The following IRAK1BP1 variants were observed in gnomAD, a reference collection of about 807,000 sequenced individuals.
IRAK1BP1 encodes the protein interleukin-1 receptor-associated kinase 1-binding protein 1.
IRAK1BP1 carries 24 observed loss-of-function variants against 28.0 expected under a neutral mutation model. The ratio of observed to expected loss-of-function variants is 0.86; its 90% CI spans 0.62 to 1.20. The LOEUF is 1.20. Among genes scored for constraint, IRAK1BP1 ranks in the 50% most tolerant of loss-of-function variants. The pLI is 0.00. For synonymous variants in IRAK1BP1, 131 were observed against 116.3 expected (o/e 1.13, Z -0.81); for missense variants, 336 against 316.7 (o/e 1.06, Z -0.46).
intron 2 of IRAK1BP1, 86 bp from the exon 3 acceptor site, chr6:78,897,743 G>A (rs1220914761): frequency 4.4e-6 from 5 of 1,145,934 alleles, no homozygotes; most frequent in Non-Finnish European, 6.2e-6. Context: ...CTCATAGTCT[G>A]GCTATACTTT....
Position 78,918,051 on chromosome 6 carries a change from T to C in IRAK1BP1, c.*67+14941T>C, listed in dbSNP as rs146899532. Among the ~76,000 whole-genome samples, 190 of 152,306 alleles carry C rather than the reference T, an allele frequency of 1.2e-3. 1 individual carries two copies. The highest frequency in any genetic ancestry group is 4.5e-3 in the African/African-American group (186 of 41,574). ...ACAAAGCAGCTAGCTAATAACTTCA[T>C]GATAGGATCAAAACCTCACATATCT... On this transcript the variant is annotated intron_variant and NMD_transcript_variant, in intron 4 of 4. Transcript: ENST00000606868.
intron 4 of IRAK1BP1, among the ~76,000 whole-genome samples, chr6:78,914,262 A>G (rs1249709709): frequency 1.3e-5 from 2 of 152,238 alleles, no homozygotes; most frequent in African/African-American, 4.8e-5. Context: ...TGAAAAGGTT[A>G]ACCCAAAGAT....
the IRAK1BP1 span, among the ~76,000 whole-genome samples, chr6:78,967,124 AT>A: frequency 2.0e-5 from 3 of 152,214 alleles, no homozygotes; most frequent in Non-Finnish European, 4.4e-5. Flanking sequence ...ACCAAAAAGG[AT>A]TTAAAAGTTT....
At chr6:78,972,811 G>A in the IRAK1BP1 span, among the ~76,000 whole-genome samples, 11 of 152,132 alleles carry the variant, frequency 7.2e-5, no homozygotes, top group Non-Finnish European at 1.5e-5. Context: ...AATGAAGCGA[G>A]AAGGGAAGTT....
chr6:78,924,341 C>T (rs1292042143), intron 4 of IRAK1BP1, among the ~76,000 whole-genome samples: 1 of 152,174 alleles, frequency 6.6e-6, no homozygotes, highest in Non-Finnish European at 1.5e-5. Context: ...TTCCTCAACA[C>T]ATACACCCTG....
the IRAK1BP1 span, among the ~76,000 whole-genome samples, chr6:78,974,413 A>G: frequency 4.6e-5 from 7 of 151,998 alleles, no homozygotes; most frequent in East Asian, 7.7e-4. Context: ...AAATGCCCAC[A>G]AGAGTAAGCA....
intron 4 of IRAK1BP1, among the ~76,000 whole-genome samples, chr6:78,922,698 A>G (rs879215124): frequency 6.6e-6 from 1 of 152,238 alleles, no homozygotes; most frequent in Non-Finnish European, 1.5e-5. Context: ...CTTCAAAGGG[A>G]AGCCCATCAG....
At chr6:78,909,996 C>T (rs1772361765) in intron 4 of IRAK1BP1, among the ~76,000 whole-genome samples, 1 of 152,128 alleles carries the variant, frequency 6.6e-6, no homozygotes, top group Non-Finnish European at 1.5e-5. Context: ...TGAAAAAGTT[C>T]AGGTGGGTCA....
At chr6:78,942,311 C>T (rs138363897) in intron 4 of IRAK1BP1, among the ~76,000 whole-genome samples, 2,475 of 152,156 alleles carry the variant, frequency 0.016, 64 homozygotes, top group African/African-American at 0.056. Context: ...GGCGAAACCC[C>T]GTCTCTACTA....
At chr6:78,945,285 C>G in intron 4 of IRAK1BP1, 1 of 1,554,974 alleles carries the variant, frequency 6.4e-7, no homozygotes, top group Non-Finnish European at 8.9e-7. Flanking sequence ...TTGAAAGATA[C>G]AAGTAATACC....
the IRAK1BP1 span, among the ~76,000 whole-genome samples, chr6:78,968,239 C>T: frequency 1.5e-3 from 227 of 152,076 alleles, no homozygotes; most frequent in African/African-American, 5.3e-3. Context: ...AAAATGTTTT[C>T]ATCTATTTTA....
the IRAK1BP1 span, chr6:78,970,758 T>C: frequency 7.0e-7 from 1 of 1,431,832 alleles, no homozygotes; most frequent in Non-Finnish European, 9.7e-7. Flanking sequence ...TTGGGGCTAT[T>C]AAATAATAAA....
the IRAK1BP1 span, among the ~76,000 whole-genome samples, chr6:78,971,157 T>C: frequency 6.6e-6 from 1 of 152,262 alleles, no homozygotes; most frequent in Non-Finnish European, 1.5e-5. Flanking sequence ...AAAATCAAAA[T>C]AAGTTAATCT....
intron 4 of IRAK1BP1, among the ~76,000 whole-genome samples, chr6:78,917,579 T>C (rs1772593310): frequency 8.2e-6 from 1 of 121,990 alleles, no homozygotes; most frequent in Non-Finnish European, 1.6e-5. Context: ...TGAGATACTA[T>C]ACAAAATGAA....
chr6:78,870,533 A>G (rs192976073), intron 1 of IRAK1BP1, among the ~76,000 whole-genome samples: 18 of 152,312 alleles, frequency 1.2e-4, no homozygotes, highest in Admixed American at 9.8e-4. Context: ...AAAATGAAAC[A>G]ATAAGTGAAC....
At chr6:78,952,584 C>CT in the IRAK1BP1 span, among the ~76,000 whole-genome samples, 1 of 152,082 alleles carries the variant, frequency 6.6e-6, no homozygotes, top group Non-Finnish European at 1.5e-5. Context: ...CTCTTACCCT[C>CT]TCCTTCACAC....
intron 2 of IRAK1BP1, among the ~76,000 whole-genome samples, chr6:78,893,314 G>GTATATATATATATATATATATA (rs60728695): frequency 2.8e-4 from 29 of 103,424 alleles, no homozygotes; most frequent in Admixed American, 5.5e-4. Context: ...GTGTGTGTGT[G>GTATATATATATATATATATATA]TATATATATA....
At chr6:78,881,511 G>A (rs1771227292) in intron 1 of IRAK1BP1, among the ~76,000 whole-genome samples, 1 of 152,120 alleles carries the variant, frequency 6.6e-6, no homozygotes, top group Non-Finnish European at 1.5e-5. Context: ...GAAGCTTGAT[G>A]TATGTAAACT....
intron 4 of IRAK1BP1, among the ~76,000 whole-genome samples, chr6:78,922,258 C>T (rs540180259): frequency 5.6e-4 from 85 of 152,154 alleles, no homozygotes; most frequent in Non-Finnish European, 1.0e-3. Flanking sequence ...AACCATGGCA[C>T]GAGAACTACA....
Sources: gnomAD v4.1 joint callset for allele counts (sites outside exome capture counted in the v4.1 genomes callset) on GRCh38, gnomAD v4.1.1 for gene constraint, MANE v1.5 for transcripts, NCBI Gene and HGNC (gene_info 2026-07-23, HGNC 2026-07-21) for gene names.